The following BRINP3 variants were observed in gnomAD, a reference collection of about 807,000 sequenced individuals.
BRINP3 encodes the protein BMP/retinoic acid-inducible neural-specific protein 3.
Under a neutral mutation model 71.0 loss-of-function variants are expected in BRINP3, and 19 were observed. The observed-to-expected ratio is 0.27, with a 90% CI of 0.19 to 0.39. The LOEUF is 0.39. Among genes scored for constraint, BRINP3 ranks in the 10% least tolerant of loss-of-function variants. The pLI is 1.00. For missense variants in BRINP3, 959 were observed against 940.8 expected (o/e 1.02, Z -0.25); for synonymous variants, 380 against 337.7 (o/e 1.13, Z -1.37).
intron 2 of BRINP3, among the ~76,000 whole-genome samples, chr1:190,400,515 C>T (rs1374988248): frequency 1.3e-5 from 2 of 151,990 alleles, no homozygotes; most frequent in East Asian, 3.9e-4. Context: ...AAAAACTATC[C>T]AATGCTTTTA....
At chr1:190,468,102 T>G (rs939905644) in intron 1 of BRINP3, among the ~76,000 whole-genome samples, 1 of 151,326 alleles carries the variant, frequency 6.6e-6, no homozygotes, top group African/African-American at 2.4e-5. Context: ...TAAATACATT[T>G]TAATTAATAG....
At chr1:190,414,584 G>A (rs1418398234) in intron 2 of BRINP3, among the ~76,000 whole-genome samples, 3 of 152,088 alleles carry the variant, frequency 2.0e-5, no homozygotes, top group Non-Finnish European at 4.4e-5. Context: ...GGTATCTGTT[G>A]GGCCAATATT....
At chr1:190,466,617 G>A (rs1212563064) in intron 1 of BRINP3, among the ~76,000 whole-genome samples, 1 of 151,480 alleles carries the variant, frequency 6.6e-6, no homozygotes, top group Non-Finnish European at 1.5e-5. Context: ...TTTAACCGAG[G>A]AATGTGTGTT....
At chr1:190,466,649 C>T (rs1676771154) in intron 1 of BRINP3, among the ~76,000 whole-genome samples, 2 of 151,554 alleles carry the variant, frequency 1.3e-5, no homozygotes, top group Non-Finnish European at 1.5e-5. Context: ...TAGTAAACCC[C>T]TTAACTTGTC....
chr1:190,413,383 C>T, intron 2 of BRINP3, among the ~76,000 whole-genome samples: 1 of 152,308 alleles, frequency 6.6e-6, no homozygotes, highest in East Asian at 1.9e-4. Context: ...GGCCCTAATC[C>T]TTTTAACTTG....
intron 2 of BRINP3, among the ~76,000 whole-genome samples, chr1:190,311,510 A>G (rs1665515865): frequency 6.6e-6 from 1 of 151,712 alleles, no homozygotes; most frequent in African/African-American, 2.4e-5. Context: ...GAAATTAAAT[A>G]GAAATAATGA....
chr1:190,294,465 T>A (rs750822350), intron 2 of BRINP3, among the ~76,000 whole-genome samples: 11 of 151,906 alleles, frequency 7.2e-5, no homozygotes, highest in Non-Finnish European at 1.5e-4. Context: ...TTGCCCATGC[T>A]GGTCATTAAC....
chr1:190,363,968 T>A (rs1669321789), intron 2 of BRINP3, among the ~76,000 whole-genome samples: 1 of 152,080 alleles, frequency 6.6e-6, no homozygotes, highest in Admixed American at 6.6e-5. Flanking sequence ...AATGCAGTGT[T>A]TGGAGTATCT....
chr1:190,394,796 T>G (rs1383006916), intron 2 of BRINP3, among the ~76,000 whole-genome samples: 2 of 151,566 alleles, frequency 1.3e-5, no homozygotes, highest in Non-Finnish European at 3.0e-5. Context: ...TCTTACAAAA[T>G]ATACTCTATG....
chr1:190,258,653 T>A (rs1660891964), intron 4 of BRINP3, among the ~76,000 whole-genome samples: 1 of 152,188 alleles, frequency 6.6e-6, no homozygotes, highest in African/African-American at 2.4e-5. Flanking sequence ...AACAATTGCA[T>A]GCCAACAAAT....
At chr1:190,447,845 T>A (rs371362740) in intron 2 of BRINP3, among the ~76,000 whole-genome samples, 12 of 151,638 alleles carry the variant, frequency 7.9e-5, no homozygotes, top group African/African-American at 2.9e-4. Flanking sequence ...TTATAGCTCA[T>A]CCTAATGTTT....
intron 6 of BRINP3, among the ~76,000 whole-genome samples, chr1:190,169,013 A>C (rs1651793410): frequency 6.6e-6 from 1 of 152,124 alleles, no homozygotes; most frequent in African/African-American, 2.4e-5. Flanking sequence ...CTGTGCTACA[A>C]TTTATTTTAC....
intron 3 of BRINP3, among the ~76,000 whole-genome samples, chr1:190,276,608 C>G (rs1662575243): frequency 6.7e-6 from 1 of 150,208 alleles, no homozygotes; most frequent in East Asian, 2.0e-4. Context: ...GATAAGTGAA[C>G]TACATTGGAG....
At chr1:190,155,486 C>T (rs544834609) in intron 7 of BRINP3, among the ~76,000 whole-genome samples, 19 of 152,210 alleles carry the variant, frequency 1.2e-4, no homozygotes, top group African/African-American at 4.6e-4. Context: ...TAAACTTTTA[C>T]CAACACTTCA....
At chr1:190,460,985 T>G (rs758055354) in intron 1 of BRINP3, among the ~76,000 whole-genome samples, 1 of 152,208 alleles carries the variant, frequency 6.6e-6, no homozygotes, top group East Asian at 1.9e-4. Flanking sequence ...TGCAATAGCT[T>G]CATGACTAGT....
At chr1:190,189,919 T>C (rs1052611012) in intron 6 of BRINP3, among the ~76,000 whole-genome samples, 3 of 152,160 alleles carry the variant, frequency 2.0e-5, no homozygotes, top group Non-Finnish European at 4.4e-5. Context: ...ATTTCAGTAC[T>C]GGGGCACATA....
chr1:190,461,487 A>G (rs551148958), intron 1 of BRINP3, among the ~76,000 whole-genome samples: 1 of 152,116 alleles, frequency 6.6e-6, no homozygotes, highest in Non-Finnish European at 1.5e-5. Context: ...ATTTGCTTGC[A>G]TGTTTGCCCT....
intron 2 of BRINP3, among the ~76,000 whole-genome samples, chr1:190,347,970 G>A (rs1301142196): frequency 6.6e-6 from 1 of 152,112 alleles, no homozygotes; most frequent in African/African-American, 2.4e-5. Context: ...GCAATCATAA[G>A]TAGGAGCATA....
chr1:190,249,854 C>A (rs1016954898), intron 4 of BRINP3, among the ~76,000 whole-genome samples: 1 of 151,688 alleles, frequency 6.6e-6, no homozygotes, highest in Non-Finnish European at 1.5e-5. Flanking sequence ...AATTTCTTAC[C>A]AAAACCTCTA....
Sources: allele counts gnomAD v4.1 joint callset (sites outside exome capture counted in the v4.1 genomes callset), GRCh38; gene constraint gnomAD v4.1.1; transcripts MANE v1.5; gene names NCBI Gene and HGNC (gene_info 2026-07-23, HGNC 2026-07-21).